PDE1C: variants seen among roughly 807,000 people sequenced by gnomAD.
PDE1C encodes the protein dual specificity calcium/calmodulin-dependent 3',5'-cyclic nucleotide phosphodiesterase 1C.
Under a neutral mutation model 93.1 loss-of-function variants are expected in PDE1C, and 62 were observed. The ratio of observed to expected loss-of-function variants is 0.67; its 90% CI spans 0.54 to 0.82. The LOEUF (loss-of-function observed/expected upper bound fraction) is 0.82. Ranked by LOEUF, PDE1C falls within the 40% of genes least tolerant of loss-of-function variation. The probability of loss-of-function intolerance (pLI) is 0.00; values close to 1 mark genes in which losing one functional copy is unlikely to be tolerated. For missense variants in PDE1C, 742 were observed against 884.6 expected (o/e 0.84, Z 2.04); for synonymous variants, 325 against 310.1 (o/e 1.05, Z -0.50).
chr7:32,116,003 G>A (rs566389965), intron 3 of PDE1C, among the ~76,000 whole-genome samples: 3 of 152,182 alleles, frequency 2.0e-5, no homozygotes, highest in Non-Finnish European at 2.9e-5. Context: ...ACTCAAGTAT[G>A]AGAAAAATCT....
At chr7:32,033,842 G>T (rs1790658434) in intron 2 of PDE1C, among the ~76,000 whole-genome samples, 1 of 152,090 alleles carries the variant, frequency 6.6e-6, no homozygotes, top group Non-Finnish European at 1.5e-5. Context: ...TATATGTCCA[G>T]ATTAGACCTG....
chr7:32,170,815 C>T (rs1802598430), intron 2 of PDE1C, among the ~76,000 whole-genome samples: 2 of 151,878 alleles, frequency 1.3e-5, no homozygotes, highest in Admixed American at 6.6e-5. Flanking sequence ...CAGGGGTGTG[C>T]TTTTAAAACA....
chr7:32,030,438 A>T (rs753262705), intron 2 of PDE1C, among the ~76,000 whole-genome samples: 4 of 152,152 alleles, frequency 2.6e-5, no homozygotes, highest in Non-Finnish European at 5.9e-5. Context: ...CCTTGAATAC[A>T]GAGAAAGTGT....
intron 8 of PDE1C, among the ~76,000 whole-genome samples, chr7:31,849,028 G>T (rs1792985835): frequency 6.6e-6 from 1 of 152,130 alleles, no homozygotes. Context: ...TGTTGAACAG[G>T]GCCAATGTTT....
intron 2 of PDE1C, among the ~76,000 whole-genome samples, chr7:32,193,537 T>C (rs746339478): frequency 1.3e-5 from 2 of 152,214 alleles, no homozygotes; most frequent in Non-Finnish European, 1.5e-5. Flanking sequence ...TTATATATTA[T>C]TGAATTCTAT....
chr7:31,680,964 CAG>C, the PDE1C span, among the ~76,000 whole-genome samples: 1 of 152,182 alleles, frequency 6.6e-6, no homozygotes, highest in African/African-American at 2.4e-5. Context: ...GGTACATCCT[CAG>C]AGATATTCAG....
At chr7:32,292,300 C>A (rs1447420933) in intron 1 of PDE1C, among the ~76,000 whole-genome samples, 1 of 152,128 alleles carries the variant, frequency 6.6e-6, no homozygotes, top group African/African-American at 2.4e-5. Flanking sequence ...AACATGAGAT[C>A]TACCCTCTAA....
chr7:31,833,323 G>A (rs141151116), intron 11 of PDE1C, among the ~76,000 whole-genome samples: 41 of 152,240 alleles, frequency 2.7e-4, no homozygotes, highest in African/African-American at 8.4e-4. Flanking sequence ...TATCAGCAGC[G>A]TGAAAATGAA....
chr7:31,657,020 G>C, the PDE1C span, among the ~76,000 whole-genome samples: 8 of 147,256 alleles, frequency 5.4e-5, no homozygotes, highest in Non-Finnish European at 1.2e-4. Context: ...TTCCTGGTTT[G>C]TGTAATAAAT....
chr7:32,301,138 T>C (rs892665364), upstream of PDE1C, among the ~76,000 whole-genome samples: 35 of 152,066 alleles, frequency 2.3e-4, no homozygotes, highest in Admixed American at 2.0e-3. Flanking sequence ...TGCCTGACCT[T>C]AATATTATGT....
intron 2 of PDE1C, among the ~76,000 whole-genome samples, chr7:31,926,055 A>G (rs1235951146): frequency 6.6e-6 from 1 of 152,012 alleles, no homozygotes. Context: ...CATACATTAC[A>G]GTTTGTAAAC....
chr7:31,964,527 A>G (rs1040092610), intron 2 of PDE1C, among the ~76,000 whole-genome samples: 2 of 152,200 alleles, frequency 1.3e-5, no homozygotes, highest in Non-Finnish European at 2.9e-5. Flanking sequence ...TCCACCTTTG[A>G]GGGCAGGGCA....
intron 1 of PDE1C, among the ~76,000 whole-genome samples, chr7:32,412,633 G>A (rs959601108): frequency 2.6e-5 from 4 of 152,194 alleles, no homozygotes; most frequent in Admixed American, 6.5e-5. Context: ...CAGCTGTGAT[G>A]TCACTAGGCA....
intron 1 of PDE1C, among the ~76,000 whole-genome samples, chr7:32,412,954 C>T (rs563520458): frequency 3.9e-5 from 6 of 152,124 alleles, no homozygotes; most frequent in African/African-American, 1.2e-4. Context: ...GGGAGTACAG[C>T]GGAGATTGAC....
At chr7:32,123,164 A>C (rs1489473592) in intron 3 of PDE1C, among the ~76,000 whole-genome samples, 1 of 152,212 alleles carries the variant, frequency 6.6e-6, no homozygotes, top group Non-Finnish European at 1.5e-5. Context: ...TAAACCAGGA[A>C]GAAATCAAAT....
chr7:32,282,485 A>AATAGATAGCTAGATAGATAGCTAGATAG (rs376678996), intron 1 of PDE1C, among the ~76,000 whole-genome samples: 2 of 143,860 alleles, frequency 1.4e-5, no homozygotes, highest in Non-Finnish European at 3.0e-5. Flanking sequence ...TCAAAAAAAA[A>AATAGATAGCTAGATAGATAGCTAGATAG]ATAGATAGAT....
rs766220881 is a variant in PDE1C at position 31,824,962 on chromosome 7, G to A, written c.1311C>T (p.Pro437=). 1.2e-6 allele frequency: 2 copies of A among 1,613,220 alleles called. No homozygotes were observed. The highest frequency in any genetic ancestry group is 1.7e-6 in the Non-Finnish European group (2 of 1,179,464). Residue 437 remains proline, a synonymous_variant, in exon 13 of 18, where the codon CCC becomes CCT. Coordinates refer to ENST00000396191, the MANE Select transcript of PDE1C (RefSeq NM_001191057.4). ...TCATGTCCGTAAGCACAGTGAAGGT[G>A]GGTTCCACGATGAAATCAATGAAAC... ...QVGFIDFIVE[P]TFTVLTDMTE...
chr7:32,409,130 G>A (rs78114681), intron 1 of PDE1C, among the ~76,000 whole-genome samples: 2,369 of 152,270 alleles, frequency 0.016, 66 homozygotes, highest in African/African-American at 0.054. Context: ...GCCAAGGTGG[G>A]CAGATTGCTT....
chr7:32,266,487 G>C (rs1322268336), intron 1 of PDE1C, among the ~76,000 whole-genome samples: 3 of 150,726 alleles, frequency 2.0e-5, no homozygotes, highest in Non-Finnish European at 4.4e-5. Context: ...GCAACAGAGT[G>C]AGACTCCGTC....
Sources: gnomAD v4.1 joint callset for allele counts (sites outside exome capture counted in the v4.1 genomes callset) on GRCh38, gnomAD v4.1.1 for gene constraint, MANE v1.5 for transcripts, NCBI Gene and HGNC (gene_info 2026-07-23, HGNC 2026-07-21) for gene names.